Variants in PRKCA observed in about 807,000 individuals in gnomAD.
The protein encoded by PRKCA is protein kinase C alpha.
A neutral mutation model predicts 87.0 loss-of-function variants in PRKCA; 27 were observed. That is an observed-to-expected ratio of 0.31 (90% CI 0.23 to 0.43). The LOEUF is 0.43. Ranked by LOEUF, PRKCA falls within the 20% of genes least tolerant of loss-of-function variation. PRKCA has a pLI of 1.00. For synonymous variants in PRKCA, 329 were observed against 311.1 expected (o/e 1.06, Z -0.61); for missense variants, 518 against 852.3 (o/e 0.61, Z 4.88).
At chr17:66,697,532 G>A (rs1353427958) in intron 8 of PRKCA, among the ~76,000 whole-genome samples, 2 of 152,194 alleles carry the variant, frequency 1.3e-5, no homozygotes, top group African/African-American at 4.8e-5. Flanking sequence ...TCTCTCACCT[G>A]TAATTCCTTC....
chr17:66,590,341 C>T (rs971023197), intron 3 of PRKCA, among the ~76,000 whole-genome samples: 2 of 152,192 alleles, frequency 1.3e-5, no homozygotes, highest in African/African-American at 4.8e-5. Flanking sequence ...GCCACAAAAC[C>T]TCTTGCACTT....
intron 2 of PRKCA, among the ~76,000 whole-genome samples, chr17:66,353,493 A>G (rs1907875799): frequency 6.6e-6 from 1 of 152,118 alleles, no homozygotes; most frequent in Admixed American, 6.6e-5. Flanking sequence ...AGGCGGGTGG[A>G]TCACCTGAGG....
intron 2 of PRKCA, among the ~76,000 whole-genome samples, chr17:66,322,628 A>G (rs1055546203): frequency 4.2e-5 from 6 of 141,596 alleles, no homozygotes; most frequent in Non-Finnish European, 6.0e-5. Flanking sequence ...GTGCCCAGCT[A>G]ATTTTTAATT....
At position 66,476,313 on chromosome 17, in the gene PRKCA, C is replaced by T. The variant is rs147788449; in HGVS notation, c.206-19888C>T. Among the ~76,000 whole-genome samples the T allele has an allele frequency of 3.1e-3, 477 of 152,274 alleles. 5 individuals carry two copies. The highest frequency in any genetic ancestry group is 0.01 in the Middle Eastern group (3 of 294). On this transcript the variant is annotated intron_variant, in intron 2 of 16. Transcript: ENST00000413366. ...TCAGTTGGTGTTGAAGAGGAGATGGCGGGCCCAAGCTCTGCAAGCCTGGTG... is the reference window on the plus strand; with the variant it reads ...TCAGTTGGTGTTGAAGAGGAGATGGTGGGCCCAAGCTCTGCAAGCCTGGTG...
chr17:66,534,892 C>T (rs7222049), intron 3 of PRKCA, among the ~76,000 whole-genome samples: 4,184 of 152,060 alleles, frequency 0.028, 173 homozygotes, highest in African/African-American at 0.095. Context: ...TTTATTAATC[C>T]GGAGATTTCT....
At chr17:66,343,666 T>C (rs1026114531) in intron 2 of PRKCA, among the ~76,000 whole-genome samples, 2 of 151,986 alleles carry the variant, frequency 1.3e-5, no homozygotes, top group African/African-American at 4.8e-5. Flanking sequence ...CTTAAGAGGC[T>C]GTACTTGAAA....
At chr17:66,429,412 T>A (rs1912985722) in intron 2 of PRKCA, among the ~76,000 whole-genome samples, 1 of 152,180 alleles carries the variant, frequency 6.6e-6, no homozygotes, top group Admixed American at 6.5e-5. Context: ...TGAAATTGAT[T>A]TTTAGAAACA....
chr17:66,728,134 G>T (rs915232841), intron 8 of PRKCA, among the ~76,000 whole-genome samples: 2 of 152,230 alleles, frequency 1.3e-5, no homozygotes, highest in Non-Finnish European at 2.9e-5. Context: ...TGGCAGCGTG[G>T]AGATGGCTCA....
chr17:66,309,650 G>A (rs904443771), intron 2 of PRKCA, among the ~76,000 whole-genome samples: 1 of 152,170 alleles, frequency 6.6e-6, no homozygotes, highest in African/African-American at 2.4e-5. Context: ...AAAGACAAGC[G>A]TGTTCCTTCA....
At chr17:66,468,264 T>C (rs938837639) in intron 2 of PRKCA, among the ~76,000 whole-genome samples, 1 of 152,228 alleles carries the variant, frequency 6.6e-6, no homozygotes, top group African/African-American at 2.4e-5. Context: ...GAAAAATATT[T>C]TTTGAAATGA....
At chr17:66,462,612 A>G (rs1018975699) in intron 2 of PRKCA, among the ~76,000 whole-genome samples, 1 of 152,198 alleles carries the variant, frequency 6.6e-6, no homozygotes, top group Admixed American at 6.5e-5. Context: ...ACTGAAGCAC[A>G]TGAATAGTGC....
chr17:66,674,929 C>T (rs16959942), intron 5 of PRKCA, among the ~76,000 whole-genome samples: 6,570 of 152,250 alleles, frequency 0.043, 182 homozygotes, highest in East Asian at 0.15. Flanking sequence ...CTGCAGTGCA[C>T]GCCCACCAAT....
intron 2 of PRKCA, among the ~76,000 whole-genome samples, chr17:66,477,574 C>T (rs1915587814): frequency 6.6e-6 from 1 of 152,102 alleles, no homozygotes; most frequent in Non-Finnish European, 1.5e-5. Context: ...GTGGCGGGCA[C>T]CTGTAGTCCT....
intron 3 of PRKCA, among the ~76,000 whole-genome samples, chr17:66,564,704 G>C (rs866208174): frequency 2.0e-5 from 3 of 152,110 alleles, no homozygotes; most frequent in African/African-American, 7.2e-5. Context: ...AGTGCCAGCC[G>C]GGTGCAGTGG....
intron 2 of PRKCA, among the ~76,000 whole-genome samples, chr17:66,369,724 C>T (rs573837755): frequency 3.3e-5 from 5 of 152,248 alleles, no homozygotes; most frequent in Admixed American, 1.3e-4. Flanking sequence ...GGATGGGTGG[C>T]GTGATGGCCC....
intron 8 of PRKCA, among the ~76,000 whole-genome samples, chr17:66,720,100 GAA>G (rs2144156452): frequency 6.6e-6 from 1 of 152,348 alleles, no homozygotes; most frequent in Non-Finnish European, 1.5e-5. Context: ...AACAAGTAGA[GAA>G]ATACAGGATT....
At chr17:66,595,325 A>C (rs1969939362) in intron 3 of PRKCA, among the ~76,000 whole-genome samples, 1 of 151,916 alleles carries the variant, frequency 6.6e-6, no homozygotes, top group Admixed American at 6.6e-5. Flanking sequence ...GAGCCACTGC[A>C]CCTGGCCTTC....
At chr17:66,432,511 T>G (rs1005370749) in intron 2 of PRKCA, among the ~76,000 whole-genome samples, 64 of 152,142 alleles carry the variant, frequency 4.2e-4, no homozygotes, top group African/African-American at 1.5e-3. Context: ...CCTGATAATA[T>G]TTTATTTTCA....
At chr17:66,602,700 C>T (rs925025098) in intron 3 of PRKCA, among the ~76,000 whole-genome samples, 102 of 152,192 alleles carry the variant, frequency 6.7e-4, no homozygotes, top group Non-Finnish European at 1.0e-4. Context: ...CAGATCTGAA[C>T]ATGTAGCAGG....
Sources: allele counts gnomAD v4.1 joint callset (sites outside exome capture counted in the v4.1 genomes callset), GRCh38; gene constraint gnomAD v4.1.1; transcripts MANE v1.5; gene names NCBI Gene and HGNC (gene_info 2026-07-23, HGNC 2026-07-21).